The following LRRC53 variants were observed in gnomAD, a reference collection of about 807,000 sequenced individuals.
LRRC53 encodes leucine rich repeat containing 53.
LRRC53 carries 25 observed loss-of-function variants against 13.6 expected under a neutral mutation model. That is an observed-to-expected ratio of 1.83 (90% CI 1.34 to 2.56). LRRC53 has a LOEUF of 2.56. Ranked by LOEUF, LRRC53 falls within the 30% of genes most tolerant of loss-of-function variation. The pLI, the probability that LRRC53 is intolerant of heterozygous loss-of-function variation, is 0.00. For missense variants in LRRC53, 527 were observed against 275.8 expected (o/e 1.91, Z -6.45); for synonymous variants, 204 against 109.8 (o/e 1.86, Z -5.37).
At chr1:74,486,603 G>A (rs1002349052) in intron 1 of LRRC53, among the ~76,000 whole-genome samples, 1 of 149,900 alleles carries the variant, frequency 6.7e-6, no homozygotes, top group Non-Finnish European at 1.5e-5. Flanking sequence ...TATGAGTTTA[G>A]AGTTCAGGAG....
chr1:74,503,727 C>A (rs1432636390), intron 1 of LRRC53, among the ~76,000 whole-genome samples: 2 of 152,196 alleles, frequency 1.3e-5, no homozygotes, highest in East Asian at 3.8e-4. Context: ...AAGCAAGTGC[C>A]ACGATGCCTA....
Position 74,483,350 on chromosome 1 carries a change from G to A in LRRC53, c.-1C>T. On this transcript the variant is annotated 5_prime_UTR_variant, in exon 2 of 5. Transcript: ENST00000294635. The stretch of plus-strand genomic sequence containing the variant: ...GGCAAGCTGCCACCAACCGCAACAT[G>A]ATGGCAAAGAGTACCAGCCATCCAC... 1 of 717,388 alleles carries A rather than the reference G, an allele frequency of 1.4e-6. No individual in the cohort carries two copies. 44.4% of individuals were successfully genotyped at this position (717,388 alleles called of 1,614,324 possible). A position where few individuals can be genotyped will look rare whatever the true frequency, so the allele number is the denominator to read the frequency against.
chr1:74,536,121 C>G, the LRRC53 span, among the ~76,000 whole-genome samples: 1 of 152,122 alleles, frequency 6.6e-6, no homozygotes, highest in Non-Finnish European at 1.5e-5. Context: ...AGTTTGTAGG[C>G]TGTCTTACTC....
chr1:74,500,471 G>C (rs1669559582), intron 1 of LRRC53, among the ~76,000 whole-genome samples: 1 of 150,616 alleles, frequency 6.6e-6, no homozygotes, highest in African/African-American at 2.4e-5. Context: ...GGGCGTAGTG[G>C]CGGGCGCCTG....
At chr1:74,485,391 G>A (rs1018290135) in intron 1 of LRRC53, among the ~76,000 whole-genome samples, 3 of 152,206 alleles carry the variant, frequency 2.0e-5, no homozygotes, top group East Asian at 3.9e-4. Flanking sequence ...CCTCATGGAT[G>A]TGTGGTTCAG....
At chr1:74,491,805 T>G (rs1402725434) in intron 1 of LRRC53, among the ~76,000 whole-genome samples, 1 of 152,220 alleles carries the variant, frequency 6.6e-6, no homozygotes, top group East Asian at 1.9e-4. Flanking sequence ...CATTGAATAA[T>G]AACCTTCTAA....
chr1:74,495,975 A>T (rs1463271870), intron 1 of LRRC53, among the ~76,000 whole-genome samples: 1 of 152,206 alleles, frequency 6.6e-6, no homozygotes, highest in East Asian at 1.9e-4. Flanking sequence ...TGGACTAAGT[A>T]CAGGAGGGCC....
the LRRC53 span, among the ~76,000 whole-genome samples, chr1:74,530,812 C>G: frequency 1.3e-5 from 2 of 151,290 alleles, no homozygotes; most frequent in Admixed American, 6.6e-5. Flanking sequence ...TTTTAGCAGT[C>G]AAGGCATGCA....
rs1667922899 is a variant in LRRC53 at position 74,471,318 on chromosome 1, T to C, written c.2304A>G (p.Ala768=). ...TEAKINTVCS[A]DFLQQSESSN... ...TACTCTCTGACTGTTGAAGAAAATC[T>C]GCAGAACACACAGTATTTATTTTGG... Residue 768 remains alanine (A), a synonymous_variant, in exon 5 of 5, where the codon GCA becomes GCG. Coordinates refer to ENST00000294635, the MANE Select transcript of LRRC53 (RefSeq NM_001382280.1). The C allele has an allele frequency of 1.2e-5, 5 of 400,720 alleles. No individual in the cohort carries two copies. Among genetic ancestry groups the C allele is most frequent in the Non-Finnish European group, 1.8e-5 (4 of 226,178 alleles). 24.8% of individuals were successfully genotyped at this position (400,720 alleles called of 1,614,324 possible).
chr1:74,501,044 T>C (rs1220992385), intron 1 of LRRC53, among the ~76,000 whole-genome samples: 3 of 152,212 alleles, frequency 2.0e-5, no homozygotes, highest in Non-Finnish European at 4.4e-5. Flanking sequence ...CTGTTGTCTC[T>C]TCTAACATTT....
At chr1:74,515,682 A>T (rs1646339259), upstream of LRRC53, among the ~76,000 whole-genome samples, 1 of 152,202 alleles carries the variant, frequency 6.6e-6, no homozygotes, top group Admixed American at 6.5e-5. Flanking sequence ...GGGCAGACAC[A>T]ACAGGTGAGG....
intron 1 of LRRC53, among the ~76,000 whole-genome samples, chr1:74,485,291 T>C (rs1477505184): frequency 6.6e-6 from 1 of 152,192 alleles, no homozygotes; most frequent in Non-Finnish European, 1.5e-5. Flanking sequence ...GTAATTCCAG[T>C]CTGAGAAAAC....
intron 1 of LRRC53, among the ~76,000 whole-genome samples, chr1:74,485,984 C>T (rs745732914): frequency 5.3e-5 from 8 of 152,016 alleles, no homozygotes; most frequent in Non-Finnish European, 8.8e-5. Context: ...GCAAAGGACC[C>T]GGCTAATCTA....
chr1:74,485,760 T>C (rs1668726211), intron 1 of LRRC53, among the ~76,000 whole-genome samples: 1 of 152,210 alleles, frequency 6.6e-6, no homozygotes, highest in African/African-American at 2.4e-5. Flanking sequence ...CAAATAGCCA[T>C]GTTGTGAACT....
At chr1:74,472,418 G>A (rs931786127) in intron 4 of LRRC53, among the ~76,000 whole-genome samples, 1 of 152,098 alleles carries the variant, frequency 6.6e-6, no homozygotes, top group Non-Finnish European at 1.5e-5. Context: ...AGTCAGTTGC[G>A]ATGCTGACTT....
At chr1:74,487,188 A>G (rs1557600135) in intron 1 of LRRC53, among the ~76,000 whole-genome samples, 1 of 152,162 alleles carries the variant, frequency 6.6e-6, no homozygotes, top group Non-Finnish European at 1.5e-5. Context: ...ATTAAACAAT[A>G]CAGAAGGAAC....
intron 1 of LRRC53, among the ~76,000 whole-genome samples, chr1:74,485,229 G>A (rs1039313219): frequency 6.6e-6 from 1 of 152,208 alleles, no homozygotes; most frequent in Middle Eastern, 3.2e-3. Flanking sequence ...TAGCTCTTGA[G>A]TTGGGCCTTG....
At chr1:74,516,282 T>G (rs2100396858), upstream of LRRC53, among the ~76,000 whole-genome samples, 1 of 152,358 alleles carries the variant, frequency 6.6e-6, no homozygotes, top group Middle Eastern at 3.4e-3. Context: ...TGTTCACTCA[T>G]CTGCTCAATC....
chr1:74,527,140 C>T, the LRRC53 span, among the ~76,000 whole-genome samples: 6,170 of 152,212 alleles, frequency 0.041, 398 homozygotes, highest in African/African-American at 0.14. Context: ...ATGAAGGCTA[C>T]CTTCAGGTCA....
Sources: gnomAD v4.1 joint callset for allele counts (sites outside exome capture counted in the v4.1 genomes callset) on GRCh38, gnomAD v4.1.1 for gene constraint, MANE v1.5 for transcripts, NCBI Gene and HGNC (gene_info 2026-07-23, HGNC 2026-07-21) for gene names.